Variants in ZNF83 observed in about 807,000 individuals in gnomAD.
The protein encoded by ZNF83 is zinc finger protein 83, also known as zinc finger protein 816B.
For synonymous variants in ZNF83, 209 were observed against 213.0 expected (o/e 0.98, Z 0.17); for missense variants, 552 against 629.9 (o/e 0.88, Z 1.32).
intron 1 of ZNF83, among the ~76,000 whole-genome samples, chr19:52,671,149 G>A (rs891194485): frequency 1.3e-5 from 2 of 152,076 alleles, no homozygotes; most frequent in African/African-American, 2.4e-5. Context: ...ACAGAAACAT[G>A]TTTTGAGGTC....
At chr19:52,623,961 C>A (rs1364879426) in intron 2 of ZNF83, among the ~76,000 whole-genome samples, 1 of 152,146 alleles carries the variant, frequency 6.6e-6, no homozygotes, top group African/African-American at 2.4e-5. Flanking sequence ...CCACAACTCA[C>A]TATTCCATTC....
chr19:52,638,965 T>C (rs965467477), upstream of ZNF83, among the ~76,000 whole-genome samples: 2 of 152,156 alleles, frequency 1.3e-5, no homozygotes, highest in African/African-American at 4.8e-5. Context: ...CCCGCAGGGC[T>C]CCCTTCCTCG....
exon 3 of ZNF83, chr19:52,613,035 CT>C (rs771726943): frequency 8.7e-6 from 14 of 1,600,790 alleles, no homozygotes; most frequent in Admixed American, 3.4e-5. Flanking sequence ...TGTTAGATTT[CT>C]TTCCGGCATG....
intron 1 of ZNF83, chr19:52,635,394 C>T: frequency 3.9e-6 from 1 of 255,476 alleles, no homozygotes; most frequent in Non-Finnish European, 7.4e-6. Flanking sequence ...GGAATGAGCT[C>T]CTCTTCAGGG....
intron 1 of ZNF83, among the ~76,000 whole-genome samples, 160 bp downstream of exon 1, chr19:52,638,152 C>A (rs2061215964): frequency 6.6e-6 from 1 of 152,206 alleles, no homozygotes; most frequent in South Asian, 2.1e-4. Flanking sequence ...GACTTTAAAC[C>A]CAAAAGGAAG....
intron 2 of ZNF83, among the ~76,000 whole-genome samples, chr19:52,624,988 C>T (rs1196521053): frequency 6.6e-6 from 1 of 152,142 alleles, no homozygotes; most frequent in South Asian, 2.1e-4. Context: ...AGATACCACA[C>T]CTGACCCCCA....
chr19:52,648,136 T>C (rs1304241144), intron 3 of ZNF83, among the ~76,000 whole-genome samples: 1 of 147,948 alleles, frequency 6.8e-6, no homozygotes, highest in Non-Finnish European at 1.5e-5. Flanking sequence ...GTTGCTTTTC[T>C]CCTCCTGCTT....
chr19:52,682,713 G>C (rs184968435), intron 1 of ZNF83, among the ~76,000 whole-genome samples: 1 of 127,854 alleles, frequency 7.8e-6, no homozygotes, highest in African/African-American at 2.6e-5. Context: ...AAAAGAAAAA[G>C]AAAAGATGTA....
intron 1 of ZNF83, among the ~76,000 whole-genome samples, chr19:52,687,949 G>A (rs1460062892): frequency 6.6e-6 from 1 of 151,870 alleles, no homozygotes; most frequent in Non-Finnish European, 1.5e-5. Flanking sequence ...AACTCAATAA[G>A]TCACTGCTCT....
chr19:52,642,560 A>G (rs1359769827), upstream of ZNF83, among the ~76,000 whole-genome samples: 1 of 152,114 alleles, frequency 6.6e-6, no homozygotes, highest in Non-Finnish European at 1.5e-5. Flanking sequence ...TATCTTGTTT[A>G]GGAATAAAAC....
chr19:52,628,656 G>A (rs763854665), intron 2 of ZNF83, among the ~76,000 whole-genome samples: 11 of 151,870 alleles, frequency 7.2e-5, no homozygotes, highest in East Asian at 1.9e-4. Flanking sequence ...AGCAAGTTCC[G>A]CTTTTCTAGG....
At chr19:52,670,549 A>G (rs2061711683) in intron 1 of ZNF83, among the ~76,000 whole-genome samples, 1 of 152,236 alleles carries the variant, frequency 6.6e-6, no homozygotes, top group African/African-American at 2.4e-5. Flanking sequence ...AACTTTATTT[A>G]CAACACACTT....
At chr19:52,614,948 C>G (rs2060252111) in intron 2 of ZNF83, among the ~76,000 whole-genome samples, 151 bp from the exon 3 acceptor site, 1 of 151,838 alleles carries the variant, frequency 6.6e-6, no homozygotes, top group Non-Finnish European at 1.5e-5. Context: ...TTTTGGAAAA[C>G]AAAAGGAACA....
In ZNF83 at chr19:52,654,497, A is replaced by G. The variant is rs1051196559; in HGVS notation, c.-74+1064T>C. 4 of 516,288 alleles carry G rather than the reference A, an allele frequency of 7.7e-6. No individual in the cohort carries two copies. The East Asian group carries it at 1.4e-4, about 17-fold the overall frequency. 32.0% of individuals were successfully genotyped at this position (516,288 alleles called of 1,614,324 possible). The stretch of plus-strand genomic sequence containing the variant: ...GTGTTAATATTACACAAAAAGCAAT[A>G]CTTATTTTAAAATTCCCAAATATGA... On this transcript the variant is annotated intron_variant, in intron 3 of 5. Coordinates refer to the ZNF83 transcript ENST00000594682.
intron 1 of ZNF83, among the ~76,000 whole-genome samples, chr19:52,688,507 T>C (rs6509671): frequency 0.64 from 96,391 of 151,258 alleles, 31,026 homozygotes; most frequent in African/African-American, 0.73. Context: ...CCTTCCCTGA[T>C]TCTGTACGTA....
intron 2 of ZNF83, among the ~76,000 whole-genome samples, chr19:52,621,932 A>C (rs1024400415): frequency 1.4e-5 from 2 of 147,876 alleles, no homozygotes; most frequent in Non-Finnish European, 3.0e-5. Flanking sequence ...TCTGGTCCCA[A>C]TGTGACTAGT....
chr19:52,629,481 A>G (rs2060869507), intron 2 of ZNF83, among the ~76,000 whole-genome samples: 1 of 151,830 alleles, frequency 6.6e-6, no homozygotes, highest in African/African-American at 2.4e-5. Flanking sequence ...CTAGGTCCCA[A>G]TTCTTCCTCA....
chr19:52,687,146 C>T, intron 1 of ZNF83, among the ~76,000 whole-genome samples: 1 of 148,702 alleles, frequency 6.7e-6, no homozygotes, highest in Non-Finnish European at 1.5e-5. Flanking sequence ...GCAACATTGC[C>T]CTCCAGCCTG....
intron 2 of ZNF83, chr19:52,660,748 G>T: frequency 4.8e-6 from 1 of 206,484 alleles, no homozygotes. Context: ...ATCCACTGAG[G>T]AATATCACTT....
Sources: gnomAD v4.1 joint callset for allele counts (sites outside exome capture counted in the v4.1 genomes callset) on GRCh38, gnomAD v4.1.1 for gene constraint, MANE v1.5 for transcripts, NCBI Gene and HGNC (gene_info 2026-07-23, HGNC 2026-07-21) for gene names.